OR4N2: variants seen among roughly 807,000 people sequenced by gnomAD.
OR4N2 encodes the protein olfactory receptor 4N2.
For synonymous variants in OR4N2, 141 were observed against 140.4 expected (o/e 1.00, Z -0.03); for missense variants, 307 against 377.6 (o/e 0.81, Z 1.55).
chr14:19,819,485 G>C (rs1387657064), intron 1 of OR4N2, among the ~76,000 whole-genome samples: 3 of 152,224 alleles, frequency 2.0e-5, no homozygotes, highest in African/African-American at 7.2e-5. Context: ...TTTGGCTATT[G>C]ATACTTGCGT....
chr14:19,819,730 TG>T (rs1879516301), intron 1 of OR4N2, among the ~76,000 whole-genome samples: 1 of 152,260 alleles, frequency 6.6e-6, no homozygotes, highest in Non-Finnish European at 1.5e-5. Flanking sequence ...GTTCCCTTGC[TG>T]GCAAGGAGTT....
At chr14:19,819,480 C>T (rs1879509293) in intron 1 of OR4N2, among the ~76,000 whole-genome samples, 1 of 152,250 alleles carries the variant, frequency 6.6e-6, no homozygotes, top group African/African-American at 2.4e-5. Context: ...ATCGATTTGG[C>T]TATTGATACT....
At chr14:19,823,261 T>C (rs1161581052) in intron 1 of OR4N2, among the ~76,000 whole-genome samples, 50 of 152,370 alleles carry the variant, frequency 3.3e-4, no homozygotes, top group African/African-American at 1.2e-3. Flanking sequence ...TTGTATTCAA[T>C]ATATTTATTT....
chr14:19,806,825 A>AAACAC (rs1879176490), intron 1 of OR4N2, among the ~76,000 whole-genome samples: 2 of 152,260 alleles, frequency 1.3e-5, no homozygotes, highest in Admixed American at 6.5e-5. Context: ...GCAAGTCTCA[A>AAACAC]TGCATTCAAA....
At chr14:19,819,758 G>A (rs1252942902) in intron 1 of OR4N2, among the ~76,000 whole-genome samples, 2 of 152,244 alleles carry the variant, frequency 1.3e-5, no homozygotes, top group Non-Finnish European at 2.9e-5. Flanking sequence ...CTTTGGAGAA[G>A]AGGTGTTCTG....
intron 1 of OR4N2, among the ~76,000 whole-genome samples, chr14:19,815,581 T>C (rs1486450029): frequency 9.2e-5 from 14 of 152,354 alleles, no homozygotes; most frequent in African/African-American, 2.9e-4. Flanking sequence ...TAGCCCTTTG[T>C]CAGATGGATA....
chr14:19,808,338 A>C (rs1396141962), intron 1 of OR4N2, among the ~76,000 whole-genome samples: 1 of 152,122 alleles, frequency 6.6e-6, no homozygotes, highest in African/African-American at 2.4e-5. Context: ...GAAAACCCTA[A>C]CTTTCACAAA....
chr14:19,818,945 T>A (rs191416130), intron 1 of OR4N2, among the ~76,000 whole-genome samples: 1 of 152,386 alleles, frequency 6.6e-6, no homozygotes, highest in Non-Finnish European at 1.5e-5. Context: ...TTATGAAGCT[T>A]AGTTTGGCTG....
intron 1 of OR4N2, among the ~76,000 whole-genome samples, chr14:19,805,401 A>G (rs556571864): frequency 6.6e-6 from 1 of 152,338 alleles, no homozygotes; most frequent in African/African-American, 2.4e-5. Flanking sequence ...AAAGAACCAA[A>G]GTGAAACTCT....
At chr14:19,826,680 A>T (rs1879708265) in intron 1 of OR4N2, among the ~76,000 whole-genome samples, 1 of 152,268 alleles carries the variant, frequency 6.6e-6, no homozygotes, top group Non-Finnish European at 1.5e-5. Flanking sequence ...CACACTGGGA[A>T]CAGAGAAAGA....
chr14:19,807,819 G>A (rs1243459970), intron 1 of OR4N2, among the ~76,000 whole-genome samples: 1 of 152,170 alleles, frequency 6.6e-6, no homozygotes, highest in East Asian at 1.9e-4. Flanking sequence ...GATGAATACA[G>A]ATGCAAATAT....
chr14:19,826,448 T>C (rs368208008), intron 1 of OR4N2, among the ~76,000 whole-genome samples: 1 of 152,252 alleles, frequency 6.6e-6, no homozygotes, highest in Non-Finnish European at 1.5e-5. Flanking sequence ...CTACTACTTA[T>C]CAAGCAGAGC....
At chr14:19,814,498 C>G (rs1396888541) in intron 1 of OR4N2, among the ~76,000 whole-genome samples, 1 of 152,004 alleles carries the variant, frequency 6.6e-6, no homozygotes, top group Non-Finnish European at 1.5e-5. Flanking sequence ...AAGGCGTGCC[C>G]AAAAACTCAA....
intron 1 of OR4N2, among the ~76,000 whole-genome samples, chr14:19,823,035 T>G (rs1594401021): frequency 6.6e-6 from 1 of 152,272 alleles, no homozygotes; most frequent in East Asian, 1.9e-4. Context: ...CTCATTTGAT[T>G]GATGAATAAA....
chr14:19,804,063 CTG>C (rs1879092517), intron 1 of OR4N2, among the ~76,000 whole-genome samples: 1 of 152,148 alleles, frequency 6.6e-6, no homozygotes, highest in Non-Finnish European at 1.5e-5. Context: ...TCATTTCTGA[CTG>C]TGTTTATTTT....
intron 1 of OR4N2, among the ~76,000 whole-genome samples, chr14:19,815,670 G>GTT (rs1234128937): frequency 0.01 from 1,090 of 104,996 alleles, no homozygotes; most frequent in African/African-American, 0.033. Flanking sequence ...TTTTTTTTTT[G>GTT]TTTTTTTTCT....
intron 1 of OR4N2, among the ~76,000 whole-genome samples, chr14:19,813,790 C>G (rs572194320): frequency 3.9e-5 from 6 of 151,916 alleles, no homozygotes; most frequent in Non-Finnish European, 8.8e-5. Context: ...GGAATTTCGC[C>G]TCTGGATGGT....
At chr14:19,823,698 G>C (rs1879622324) in intron 1 of OR4N2, among the ~76,000 whole-genome samples, 1 of 148,450 alleles carries the variant, frequency 6.7e-6, no homozygotes, top group Admixed American at 6.7e-5. Flanking sequence ...AAATAATAAA[G>C]AACAATATTT....
chr14:19,826,419 A>G (rs1879701638), intron 1 of OR4N2, among the ~76,000 whole-genome samples: 1 of 152,276 alleles, frequency 6.6e-6, no homozygotes, highest in Non-Finnish European at 1.5e-5. Flanking sequence ...TAAACTGAAG[A>G]GTATACACTT....
Sources: gnomAD v4.1 joint callset for allele counts (sites outside exome capture counted in the v4.1 genomes callset) on GRCh38, gnomAD v4.1.1 for gene constraint, MANE v1.5 for transcripts, NCBI Gene and HGNC (gene_info 2026-07-23, HGNC 2026-07-21) for gene names.